BMPER: variants seen among roughly 807,000 people sequenced by gnomAD.
The protein encoded by BMPER is BMP binding endothelial regulator, also known as BMP-binding endothelial regulator protein.
In BMPER, 45 loss-of-function variants were observed where a neutral mutation model predicts 87.3. The observed-to-expected ratio is 0.52, with a 90% CI of 0.41 to 0.66. The LOEUF (loss-of-function observed/expected upper bound fraction) is 0.66. BMPER is among the 30% of genes least tolerant of loss of function. BMPER has a pLI of 0.00. For missense variants in BMPER, 784 were observed against 867.5 expected (o/e 0.90, Z 1.21); for synonymous variants, 326 against 316.2 (o/e 1.03, Z -0.33).
At chr7:34,094,291 T>C (rs1214891197) in intron 13 of BMPER, among the ~76,000 whole-genome samples, 1 of 152,204 alleles carries the variant, frequency 6.6e-6, no homozygotes, top group Non-Finnish European at 1.5e-5. Context: ...CATTGCCTAG[T>C]GTGGGCAGAC....
At position 34,111,079 on chromosome 7, in the gene BMPER, A is replaced by G. The variant is rs1229167781; in HGVS notation, c.1745+24987A>G. On this transcript the variant is annotated intron_variant, in intron 13 of 14. Transcript: ENST00000649409. ...AAATGCTGGGATTTCCATAAGAAAGATTGATGCTTAAATTAGTTTTCAGTG... is the reference window on the plus strand; with the variant it reads ...AAATGCTGGGATTTCCATAAGAAAGGTTGATGCTTAAATTAGTTTTCAGTG... Among the ~76,000 whole-genome samples the G allele has an allele frequency of 2.0e-5, 3 of 152,360 alleles. No homozygotes were observed. In the South Asian group the frequency reaches 6.2e-4, roughly 32 times the overall value.
chr7:34,068,110 G>A (rs1014704453), intron 11 of BMPER, among the ~76,000 whole-genome samples: 10 of 152,304 alleles, frequency 6.6e-5, no homozygotes, highest in African/African-American at 9.6e-5. Flanking sequence ...GGCATCTGCC[G>A]TCTCTAAACA....
chr7:34,093,799 CTAAT>C (rs1333983916), intron 13 of BMPER, among the ~76,000 whole-genome samples: 18 of 152,176 alleles, frequency 1.2e-4, no homozygotes, highest in African/African-American at 2.9e-4. Context: ...AGGTAAAACA[CTAAT>C]TATTTTGTAG....
At chr7:33,919,060 G>C (rs73693050) in intron 2 of BMPER, among the ~76,000 whole-genome samples, 3,154 of 152,120 alleles carry the variant, frequency 0.021, 115 homozygotes, top group African/African-American at 0.073. Context: ...GCACGTGTGT[G>C]GGGGGGAATT....
intron 11 of BMPER, among the ~76,000 whole-genome samples, chr7:34,072,067 A>G (rs1788749235): frequency 6.6e-6 from 1 of 152,236 alleles, no homozygotes; most frequent in Non-Finnish European, 1.5e-5. Flanking sequence ...CTATTGGCCG[A>G]GTAACCATGG....
intron 5 of BMPER, among the ~76,000 whole-genome samples, chr7:33,971,586 G>A (rs190150797): frequency 6.6e-6 from 1 of 152,234 alleles, no homozygotes; most frequent in African/African-American, 2.4e-5. Flanking sequence ...TGCTGTGAAA[G>A]GTTTGTATTG....
chr7:33,935,620 A>AAG (rs371168169), intron 2 of BMPER, among the ~76,000 whole-genome samples: 24 of 149,730 alleles, frequency 1.6e-4, no homozygotes, highest in African/African-American at 3.4e-4. Context: ...GAGAAGGAGA[A>AAG]AGAGAGAGAG....
At chr7:33,918,708 G>A (rs1450700285) in intron 2 of BMPER, among the ~76,000 whole-genome samples, 1 of 152,206 alleles carries the variant, frequency 6.6e-6, no homozygotes, top group Non-Finnish European at 1.5e-5. Context: ...CCCCTTGGGG[G>A]GAATGGGGCC....
At chr7:34,065,634 A>G (rs1788569260) in intron 11 of BMPER, among the ~76,000 whole-genome samples, 1 of 152,156 alleles carries the variant, frequency 6.6e-6, no homozygotes, top group African/African-American at 2.4e-5. Context: ...TTAATTGAAT[A>G]TGTTTCTGTA....
Position 33,966,534 on chromosome 7 carries a change from T to C in BMPER, c.375T>C (p.Ala125=), listed in dbSNP as rs756095340. The C allele has an allele frequency of 1.2e-6, 2 of 1,613,878 alleles. No individual in the cohort carries two copies. The highest frequency in any genetic ancestry group is 3.3e-5 in the Admixed American group (2 of 60,022). ...YNSSFKWQSP[A]EPCVLRQCQE... ...GCTCCTTCAAATGGCAGAGCCCGGC[T>C]GAGCCTTGTGTTCTACGCCAGTGCC... Residue 125 remains alanine, a synonymous_variant, in exon 4 of 15, where the codon GCT becomes GCC. Coordinates refer to ENST00000649409, the MANE Select transcript of BMPER (RefSeq NM_001365308.1).
chr7:34,004,856 A>G (rs1786683990), intron 6 of BMPER, among the ~76,000 whole-genome samples: 1 of 152,122 alleles, frequency 6.6e-6, no homozygotes, highest in Non-Finnish European at 1.5e-5. Context: ...TTAGCCAGCA[A>G]TAAGAGTTTT....
intron 5 of BMPER, among the ~76,000 whole-genome samples, chr7:33,974,203 G>T (rs1286412785): frequency 6.6e-6 from 1 of 152,152 alleles, no homozygotes; most frequent in Non-Finnish European, 1.5e-5. Flanking sequence ...AGTGATGAAA[G>T]TCCCTACTTT....
At chr7:34,030,186 C>T (rs775804134) in intron 6 of BMPER, among the ~76,000 whole-genome samples, 13 of 151,866 alleles carry the variant, frequency 8.6e-5, no homozygotes, top group South Asian at 6.2e-4. Flanking sequence ...TTGGGGCATA[C>T]GATCGATTAC....
chr7:34,079,013 C>T lies in BMPER; in HGVS notation c.1235C>T (p.Thr412Ile). 1 of 1,614,238 alleles carries T rather than the reference C, an allele frequency of 6.2e-7. No homozygotes were observed. Among genetic ancestry groups the T allele is most frequent in the South Asian group, 1.1e-5 (1 of 91,088 alleles). ...QVLVKNDARR[T>I]RSFSWTKSVE... ...CTGGTGAAGAACGACGCCCGCCGGA[C>T]ACGCTCCTTCTCGTGGACCAAGTCG... The change falls in exon 12 of 15, where the codon ACA becomes ATA. Residue 412 changes from threonine to isoleucine, a missense_variant. Coordinates refer to ENST00000649409, the MANE Select transcript of BMPER (RefSeq NM_001365308.1).
chr7:34,042,337 A>G (rs866869174), intron 6 of BMPER, among the ~76,000 whole-genome samples: 1 of 152,210 alleles, frequency 6.6e-6, no homozygotes, highest in Admixed American at 6.5e-5. Context: ...ACACAAGTAC[A>G]ATGAAAGTTC....
chr7:33,953,045 A>G (rs548815825), intron 3 of BMPER, among the ~76,000 whole-genome samples: 4 of 152,192 alleles, frequency 2.6e-5, no homozygotes, highest in Non-Finnish European at 5.9e-5. Flanking sequence ...ATGCTTGGGC[A>G]TTGACTGGCT....
intron 11 of BMPER, among the ~76,000 whole-genome samples, chr7:34,073,748 T>TA (rs1228800720): frequency 1.3e-5 from 2 of 152,242 alleles, no homozygotes; most frequent in East Asian, 3.9e-4. Context: ...GACTACAAGA[T>TA]AGAGTATTTG....
At chr7:34,047,788 T>TTCCC (rs1788014862) in intron 7 of BMPER, among the ~76,000 whole-genome samples, 2 of 138,756 alleles carry the variant, frequency 1.4e-5, no homozygotes, top group Non-Finnish European at 3.1e-5. Flanking sequence ...TTGATTTTCT[T>TTCCC]TCCTTCCTTC....
upstream of BMPER, chr7:33,905,419 G>GCCCCCCCCCCCC: frequency 1.8e-5 from 2 of 110,388 alleles, no homozygotes; most frequent in Admixed American, 1.0e-4. Context: ...CTCCCCGGGC[G>GCCCCCCCCCCCC]CCCCCACACC....
Sources: gnomAD v4.1 joint callset for allele counts (sites outside exome capture counted in the v4.1 genomes callset) on GRCh38, gnomAD v4.1.1 for gene constraint, MANE v1.5 for transcripts, NCBI Gene and HGNC (gene_info 2026-07-23, HGNC 2026-07-21) for gene names.